Variants in THSD7B observed in about 807,000 individuals in gnomAD.
THSD7B encodes the protein thrombospondin type-1 domain-containing protein 7B.
THSD7B carries 138 observed loss-of-function variants against 213.6 expected under a neutral mutation model. The ratio of observed to expected loss-of-function variants is 0.65; its 90% CI spans 0.56 to 0.74. The LOEUF (loss-of-function observed/expected upper bound fraction) is 0.74. Ranked by LOEUF, THSD7B falls within the 30% of genes least tolerant of loss-of-function variation. The probability of loss-of-function intolerance (pLI) is 0.00; values close to 1 mark genes in which losing one functional copy is unlikely to be tolerated. For synonymous variants in THSD7B, 742 were observed against 687.0 expected (o/e 1.08, Z -1.25); for missense variants, 1,931 against 1,991.5 (o/e 0.97, Z 0.58).
At chr2:137,039,416 G>A (rs542910672) in intron 2 of THSD7B, among the ~76,000 whole-genome samples, 1 of 152,332 alleles carries the variant, frequency 6.6e-6, no homozygotes, top group Non-Finnish European at 1.5e-5. Flanking sequence ...TGCCATAAGC[G>A]GAGAGGGGGT....
At chr2:137,277,116 C>T (rs890108793) in intron 12 of THSD7B, among the ~76,000 whole-genome samples, 1 of 151,914 alleles carries the variant, frequency 6.6e-6, no homozygotes, top group Non-Finnish European at 1.5e-5. Flanking sequence ...ATGAATGGAG[C>T]CCTGTTAAAA....
At chr2:137,275,097 A>G (rs1682837430) in intron 11 of THSD7B, among the ~76,000 whole-genome samples, 1 of 152,136 alleles carries the variant, frequency 6.6e-6, no homozygotes, top group Non-Finnish European at 1.5e-5. Flanking sequence ...CTGAAGAGAC[A>G]GATTTAAGGA....
intron 21 of THSD7B, among the ~76,000 whole-genome samples, chr2:137,645,335 C>A (rs976506031): frequency 6.6e-6 from 1 of 152,190 alleles, no homozygotes; most frequent in Non-Finnish European, 1.5e-5. Context: ...GTATACAAAA[C>A]CTCTATTAAT....
At chr2:137,044,589 T>C (rs1457277335) in intron 2 of THSD7B, among the ~76,000 whole-genome samples, 2 of 152,160 alleles carry the variant, frequency 1.3e-5, no homozygotes, top group African/African-American at 4.8e-5. Context: ...TACATACCTA[T>C]GATAAAGTTT....
intron 1 of THSD7B, among the ~76,000 whole-genome samples, chr2:136,859,419 G>C (rs1683226173): frequency 6.6e-6 from 1 of 152,156 alleles, no homozygotes; most frequent in African/African-American, 2.4e-5. Context: ...ATTGAATCTG[G>C]TGGAGAGAAG....
intron 21 of THSD7B, among the ~76,000 whole-genome samples, chr2:137,653,982 G>GTAC (rs979533709): frequency 2.6e-5 from 4 of 151,666 alleles, no homozygotes; most frequent in Admixed American, 6.6e-5. Flanking sequence ...TTTAATGGAC[G>GTAC]TACCTCTCTG....
chr2:137,078,803 A>G (rs151220694), intron 3 of THSD7B, among the ~76,000 whole-genome samples: 7 of 152,206 alleles, frequency 4.6e-5, no homozygotes, highest in Admixed American at 1.3e-4. Flanking sequence ...TTTTATTATC[A>G]TACTTTTTTT....
At chr2:137,318,340 T>C (rs540900067) in intron 12 of THSD7B, among the ~76,000 whole-genome samples, 2 of 152,168 alleles carry the variant, frequency 1.3e-5, no homozygotes, top group South Asian at 2.1e-4. Flanking sequence ...CCCTGTCCAA[T>C]GTTGCAGAAA....
intron 27 of THSD7B, among the ~76,000 whole-genome samples, chr2:137,673,577 G>A (rs187225346): frequency 6.6e-6 from 1 of 152,312 alleles, no homozygotes; most frequent in East Asian, 1.9e-4. Context: ...ACTTCTAAAG[G>A]AAAAATGTGG....
At chr2:137,352,404 G>A (rs753413898) in intron 12 of THSD7B, among the ~76,000 whole-genome samples, 2 of 152,000 alleles carry the variant, frequency 1.3e-5, no homozygotes, top group Non-Finnish European at 2.9e-5. Flanking sequence ...ACAAAAACTT[G>A]TTCATTTCCC....
chr2:136,788,298 G>A lies in THSD7B; in HGVS notation c.-36+22611G>A, dbSNP rs933053064. Among the ~76,000 whole-genome samples, 3 of 152,260 alleles carry A rather than the reference G, an allele frequency of 2.0e-5. No homozygotes were observed. The South Asian group carries it at 6.2e-4, about 32-fold the overall frequency. On this transcript the variant is annotated intron_variant, in intron 1 of 27. Coordinates refer to ENST00000409968, the MANE Select transcript of THSD7B (RefSeq NM_001316349.2). ...GAATGAGAAAGGACTTCTTCCAATT[G>A]GAGTATGGTTCTGCTCTGAGGTTAA... is the stretch of plus-strand genomic sequence containing the variant.
chr2:137,274,612 C>A (rs995806525), intron 11 of THSD7B, among the ~76,000 whole-genome samples: 2 of 151,964 alleles, frequency 1.3e-5, no homozygotes, highest in Non-Finnish European at 2.9e-5. Flanking sequence ...CCAAAAATTT[C>A]TTTCCTCCAT....
Position 137,290,519 on chromosome 2 carries a change from TACA to T in THSD7B, c.2500+14494_2500+14496del, listed in dbSNP as rs377668204. On this transcript the variant is annotated intron_variant, in intron 12 of 27. Coordinates refer to ENST00000409968, the MANE Select transcript of THSD7B (RefSeq NM_001316349.2). ...CGCTTCTCTTTCTCCACTGAAACCT[TACA>T]TGGCATCATTCTTTGAGCTTCTCCT... is the stretch of plus-strand genomic sequence containing the variant. Among the ~76,000 whole-genome samples, 762 of 152,234 alleles carry T rather than the reference TACA, an allele frequency of 5.0e-3. 6 individuals are homozygous for T. Among genetic ancestry groups the T allele is most frequent in the African/African-American group, 0.017 (723 of 41,554 alleles).
chr2:137,219,938 A>T (rs1026771870), intron 7 of THSD7B, among the ~76,000 whole-genome samples: 3 of 152,220 alleles, frequency 2.0e-5, no homozygotes, highest in Admixed American at 6.5e-5. Flanking sequence ...TTCAGTAAAC[A>T]TTCACTATGG....
At chr2:137,273,698 T>C (rs1465824269) in intron 11 of THSD7B, among the ~76,000 whole-genome samples, 1 of 152,096 alleles carries the variant, frequency 6.6e-6, no homozygotes, top group Non-Finnish European at 1.5e-5. Flanking sequence ...TCCTTTACTT[T>C]CATTGTTTTT....
At chr2:137,421,443 T>A (rs1429359747) in intron 14 of THSD7B, among the ~76,000 whole-genome samples, 1 of 152,114 alleles carries the variant, frequency 6.6e-6, no homozygotes, top group Non-Finnish European at 1.5e-5. Flanking sequence ...TTTGCTGGAG[T>A]AGTTCACAGA....
In THSD7B at chr2:136,940,517, G is replaced by A. The variant is rs1465058154; in HGVS notation, c.139+58200G>A. On this transcript the variant is annotated intron_variant, in intron 2 of 27. Coordinates refer to ENST00000409968, the MANE Select transcript of THSD7B (RefSeq NM_001316349.2). Reference sequence around the variant, plus strand: ...CTCAATCCTCCCACCTCAGCCTCCCGAGTTGCTAGGACTATAGATATGCAC... The same window carrying A: ...CTCAATCCTCCCACCTCAGCCTCCCAAGTTGCTAGGACTATAGATATGCAC... 5.3e-5 allele frequency among the ~76,000 whole-genome samples: 8 copies of A among 150,588 alleles called. No homozygotes were observed. In the East Asian group the frequency reaches 1.6e-3, roughly 30 times the overall value.
intron 15 of THSD7B, among the ~76,000 whole-genome samples, chr2:137,556,047 A>C (rs2105213525): frequency 6.6e-6 from 1 of 152,348 alleles, no homozygotes; most frequent in East Asian, 1.9e-4. Context: ...ATATGTGAAA[A>C]GACCAAATCT....
At position 137,167,843 on chromosome 2, in the gene THSD7B, G is replaced by A. The variant is rs182976624; in HGVS notation, c.1526-2898G>A. Among the ~76,000 whole-genome samples the A allele has an allele frequency of 8.5e-5, 13 of 152,264 alleles. No homozygotes were observed. In the East Asian group the frequency reaches 1.5e-3, roughly 18 times the overall value. ...CCACTGTCCAATCTACTCACCTTTA[G>A]TACCTTCAACTAAACCACGGTGCCT... On this transcript the variant is annotated intron_variant, in intron 6 of 27. Transcript: ENST00000409968.
Sources: gnomAD v4.1 joint callset for allele counts (sites outside exome capture counted in the v4.1 genomes callset) on GRCh38, gnomAD v4.1.1 for gene constraint, MANE v1.5 for transcripts, NCBI Gene and HGNC (gene_info 2026-07-23, HGNC 2026-07-21) for gene names.